The following KLF17 variants were observed in gnomAD, a reference collection of about 807,000 sequenced individuals.
KLF17 encodes Krueppel-like factor 17.
In KLF17, 31 loss-of-function variants were observed where a neutral mutation model predicts 34.2. That is an observed-to-expected ratio of 0.91 (90% CI 0.68 to 1.22). The LOEUF (loss-of-function observed/expected upper bound fraction) is 1.22, where lower values mean the gene tolerates loss of function less well. Among genes scored for constraint, KLF17 ranks in the 50% most tolerant of loss-of-function variants. The pLI is 0.00. For synonymous variants in KLF17, 179 were observed against 186.7 expected, an observed-to-expected ratio of 0.96 and a Z score of 0.34; for missense variants, 478 against 505.2, an observed-to-expected ratio of 0.95 and a Z score of 0.52.
chr1:44,105,313 T>C, the KLF17 span: 2 of 151,566 alleles, frequency 1.3e-5, no homozygotes, highest in African/African-American at 2.4e-5. Context: ...TTGAAGTGGG[T>C]GGTGGTGGAA....
chr1:44,069,162 A>T, the KLF17 span, among the ~76,000 whole-genome samples: 1 of 152,102 alleles, frequency 6.6e-6, no homozygotes, highest in Non-Finnish European at 1.5e-5. This position sits in a 1 kb window ranked among gnomAD's most constrained non-coding sequence, Gnocchi z 4.7. Flanking sequence ...ACATCCTACC[A>T]GGAGATGGAT....
the KLF17 span, among the ~76,000 whole-genome samples, chr1:44,096,488 T>C: frequency 6.6e-6 from 1 of 150,814 alleles, no homozygotes; most frequent in Non-Finnish European, 1.5e-5. Flanking sequence ...AAGCTCCGCC[T>C]CCCAGGTTCA....
chr1:44,074,938 A>T, the KLF17 span: 7 of 152,248 alleles, frequency 4.6e-5, no homozygotes, highest in Non-Finnish European at 7.3e-5. Flanking sequence ...CAGTCAGTGG[A>T]CAAGGCTTCT....
the KLF17 span, among the ~76,000 whole-genome samples, chr1:44,072,168 G>GT: frequency 2.9e-3 from 430 of 146,874 alleles, no homozygotes; most frequent in East Asian, 0.023. Context: ...AGGAACCCAG[G>GT]TTTTTTTTTT....
chr1:44,066,756 A>G, the KLF17 span, among the ~76,000 whole-genome samples: 3 of 152,316 alleles, frequency 2.0e-5, no homozygotes, highest in Non-Finnish European at 4.4e-5. Flanking sequence ...GAGCACAAAT[A>G]AAAGAACCAT....
chr1:44,084,927 AG>A, the KLF17 span, among the ~76,000 whole-genome samples: 22,797 of 133,654 alleles, frequency 0.17, 2,175 homozygotes, highest in South Asian at 0.27. Flanking sequence ...AATAAAAATT[AG>A]AAAAAAAAAA....
chr1:44,130,828 A>G, intron 3 of KLF17, 72 bp downstream of exon 3: 1 of 1,483,828 alleles, frequency 6.7e-7, no homozygotes, highest in East Asian at 2.3e-5. Context: ...ACGGAGTCTC[A>G]CTCTGTCTCC....
chr1:44,080,378 G>A, the KLF17 span, among the ~76,000 whole-genome samples: 16 of 150,972 alleles, frequency 1.1e-4, no homozygotes, highest in African/African-American at 2.9e-4. Flanking sequence ...AGCTGGGACT[G>A]CAGGCGCCCA....
At chr1:44,091,635 CAAAAAAAAA>C in the KLF17 span, among the ~76,000 whole-genome samples, 1 of 79,034 alleles carries the variant, frequency 1.3e-5, no homozygotes, top group Non-Finnish European at 2.5e-5. Flanking sequence ...GACTCCATCT[CAAAAAAAAA>C]AAAAAAAAAA....
intron 1 of KLF17, among the ~76,000 whole-genome samples, chr1:44,127,674 C>CTTTCT (rs2088034588): frequency 7.0e-5 from 3 of 42,672 alleles, no homozygotes; most frequent in African/African-American, 2.2e-4. Flanking sequence ...TTCTTTCTTT[C>CTTTCT]TTTCTTTCTT....
At chr1:44,091,397 T>G in the KLF17 span, among the ~76,000 whole-genome samples, 1 of 152,010 alleles carries the variant, frequency 6.6e-6, no homozygotes, top group African/African-American at 2.4e-5. Context: ...GGCTCACACC[T>G]GTAATCCCAG....
chr1:44,048,599 G>C, the KLF17 span: 1 of 152,136 alleles, frequency 6.6e-6, no homozygotes, highest in African/African-American at 2.4e-5. Flanking sequence ...TAAGCTAGTT[G>C]GTTACAAATG....
chr1:44,132,123 T>G (rs1385742564), intron 3 of KLF17, among the ~76,000 whole-genome samples: 2 of 151,940 alleles, frequency 1.3e-5, no homozygotes, highest in Non-Finnish European at 2.9e-5. Flanking sequence ...CTGGCTAATA[T>G]GGTGAAACCC....
chr1:44,077,867 T>C, the KLF17 span, among the ~76,000 whole-genome samples: 3 of 152,210 alleles, frequency 2.0e-5, no homozygotes, highest in Non-Finnish European at 4.4e-5. Context: ...TGAGCAGATA[T>C]AGGTCTTTTG....
In KLF17 at chr1:44,130,619, T is replaced by C. The variant is rs183242786; in HGVS notation, c.1033T>C (p.Cys345Arg). 1.2e-6 allele frequency: 2 copies of C among 1,614,054 alleles called. No individual in the cohort carries two copies. Among genetic ancestry groups the C allele is most frequent in the East Asian group, 2.2e-5 (1 of 44,868 alleles). The change falls in exon 3 of 4, where the codon TGT becomes CGT. Residue 345 changes from cysteine (C) to arginine (R), a missense_variant. By Grantham distance (180) the Cys-to-Arg change is radical. Transcript: ENST00000372299. ...ACACACCAGATATCGACCATATAAA[T>C]GTGATCAGTGCAGCCGGGAGTTCAT... ...RVHTRYRPYK[C>R]DQCSREFMRS...
chr1:44,101,708 G>C, the KLF17 span: 1 of 152,130 alleles, frequency 6.6e-6, no homozygotes, highest in East Asian at 1.9e-4. Flanking sequence ...TAAGAAAATT[G>C]AATCATATAA....
chr1:44,073,252 G>A, the KLF17 span, among the ~76,000 whole-genome samples: 6 of 150,360 alleles, frequency 4.0e-5, no homozygotes, highest in South Asian at 1.3e-3. Context: ...CGTCGCCCAG[G>A]TTGGAGTGCA....
At chr1:44,045,548 T>C in the KLF17 span, among the ~76,000 whole-genome samples, 1 of 152,224 alleles carries the variant, frequency 6.6e-6, no homozygotes, top group Non-Finnish European at 1.5e-5. Context: ...CATGACATCA[T>C]GTTTGGGGCT....
chr1:44,099,756 GT>G, the KLF17 span, among the ~76,000 whole-genome samples: 33,913 of 122,132 alleles, frequency 0.28, 7,265 homozygotes, highest in South Asian at 0.34. Context: ...GGAGGTTGTG[GT>G]TGAGCCGAGA....
Sources: gnomAD v4.1 joint callset for allele counts (sites outside exome capture counted in the v4.1 genomes callset) on GRCh38, gnomAD v4.1.1 for gene constraint, Gnocchi (gnomAD v3.1) non-coding constraint, MANE v1.5 for transcripts, NCBI Gene and HGNC (gene_info 2026-07-23, HGNC 2026-07-21) for gene names.